CHCHD6: variants seen among roughly 807,000 people sequenced by gnomAD.
The protein encoded by CHCHD6 is coiled-coil-helix-coiled-coil-helix domain containing 6, also known as MICOS complex subunit MIC25.
A neutral mutation model predicts 32.3 loss-of-function variants in CHCHD6; 28 were observed. The ratio of observed to expected loss-of-function variants is 0.87; its 90% CI spans 0.64 to 1.19. The LOEUF is 1.19. Ranked by LOEUF, CHCHD6 falls within the 50% of genes most tolerant of loss-of-function variation. The pLI is 0.00. For synonymous variants in CHCHD6, 122 were observed against 117.5 expected (o/e 1.04, Z -0.25); for missense variants, 333 against 307.0 (o/e 1.08, Z -0.63).
At chr3:126,936,696 C>T (rs1027887394) in intron 6 of CHCHD6, among the ~76,000 whole-genome samples, 6 of 152,270 alleles carry the variant, frequency 3.9e-5, no homozygotes, top group African/African-American at 1.4e-4. Flanking sequence ...GCTGGGTTTA[C>T]AGGCATGCAC....
intron 4 of CHCHD6, among the ~76,000 whole-genome samples, chr3:126,760,764 T>C (rs891656611): frequency 1.3e-5 from 2 of 152,246 alleles, no homozygotes; most frequent in Non-Finnish European, 2.9e-5. Context: ...TTTCTACCTT[T>C]TGGCTATTGT....
At chr3:126,784,561 A>G (rs1177482238) in intron 4 of CHCHD6, among the ~76,000 whole-genome samples, 1 of 152,182 alleles carries the variant, frequency 6.6e-6, no homozygotes, top group African/African-American at 2.4e-5. Context: ...CTCCACACAG[A>G]GCTGCCCAGC....
chr3:126,752,717 C>A (rs925297536), intron 4 of CHCHD6, among the ~76,000 whole-genome samples: 1 of 152,212 alleles, frequency 6.6e-6, no homozygotes, highest in African/African-American at 2.4e-5. Context: ...GCATCCCGTT[C>A]GTTCTCCCTG....
intron 5 of CHCHD6, among the ~76,000 whole-genome samples, chr3:126,879,780 C>T (rs759559483): frequency 1.3e-5 from 2 of 152,160 alleles, no homozygotes; most frequent in African/African-American, 4.8e-5. Context: ...AAAATAGGAA[C>T]GTGTCAGAAT....
intron 4 of CHCHD6, among the ~76,000 whole-genome samples, chr3:126,786,621 G>A (rs576228677): frequency 6.6e-6 from 1 of 152,288 alleles, no homozygotes; most frequent in South Asian, 2.1e-4. Context: ...CTGCATAAAT[G>A]TCTTCTTTTG....
At chr3:126,837,839 A>G (rs1940923249) in intron 4 of CHCHD6, among the ~76,000 whole-genome samples, 1 of 152,180 alleles carries the variant, frequency 6.6e-6, no homozygotes, top group African/African-American at 2.4e-5. Flanking sequence ...TCAGACATAC[A>G]CAGAGTTAAC....
At chr3:126,863,101 A>C (rs1480687753) in intron 5 of CHCHD6, among the ~76,000 whole-genome samples, 1 of 15,000 alleles carries the variant, frequency 6.7e-5, no homozygotes, top group Non-Finnish European at 1.2e-4. Context: ...CACCATCACC[A>C]CCTCCTCCTC....
At chr3:126,755,927 A>G (rs1310321961) in intron 4 of CHCHD6, among the ~76,000 whole-genome samples, 2 of 151,426 alleles carry the variant, frequency 1.3e-5, no homozygotes, top group East Asian at 3.9e-4. Context: ...AGGTTTTCTC[A>G]TTTGATTCTC....
At chr3:126,915,493 A>G (rs977705326) in intron 6 of CHCHD6, among the ~76,000 whole-genome samples, 11 of 152,174 alleles carry the variant, frequency 7.2e-5, no homozygotes, top group African/African-American at 2.4e-4. Flanking sequence ...GTTGGTCTCT[A>G]TGGACCTGAG....
At chr3:126,953,519 C>T (rs559165125) in intron 6 of CHCHD6, among the ~76,000 whole-genome samples, 1 of 152,318 alleles carries the variant, frequency 6.6e-6, no homozygotes, top group East Asian at 1.9e-4. Flanking sequence ...CACTCCAGAC[C>T]CTGGCCCCAC....
chr3:126,878,468 T>A (rs1166660886), intron 5 of CHCHD6, among the ~76,000 whole-genome samples: 1 of 151,608 alleles, frequency 6.6e-6, no homozygotes, highest in African/African-American at 2.4e-5. Context: ...CTGAAAGGGC[T>A]CCCACGAGCC....
chr3:126,835,818 ACAGC>A (rs1392459646), intron 4 of CHCHD6, among the ~76,000 whole-genome samples: 1 of 152,192 alleles, frequency 6.6e-6, no homozygotes, highest in Non-Finnish European at 1.5e-5. Flanking sequence ...GTACCTAAAG[ACAGC>A]CCTTGCCTCC....
chr3:126,813,053 T>C (rs1235621658), intron 4 of CHCHD6, among the ~76,000 whole-genome samples: 4 of 152,224 alleles, frequency 2.6e-5, no homozygotes, highest in Non-Finnish European at 5.9e-5. Flanking sequence ...TGCGGAAGGA[T>C]ATGGAATATA....
intron 6 of CHCHD6, among the ~76,000 whole-genome samples, chr3:126,946,360 AGGAAT>A (rs1240185826): frequency 1.3e-5 from 2 of 152,214 alleles, no homozygotes; most frequent in African/African-American, 4.8e-5. Context: ...AGAAACAAAG[AGGAAT>A]GGCCCTTTCT....
chr3:126,834,338 A>G (rs1057368023), intron 4 of CHCHD6, among the ~76,000 whole-genome samples: 3 of 152,242 alleles, frequency 2.0e-5, no homozygotes, highest in African/African-American at 7.2e-5. Flanking sequence ...ATGGGAGTAC[A>G]GATAGATGAT....
At chr3:126,753,150 G>A (rs1030244844) in intron 4 of CHCHD6, among the ~76,000 whole-genome samples, 6 of 152,082 alleles carry the variant, frequency 3.9e-5, no homozygotes, top group African/African-American at 1.2e-4. Context: ...TCTTGGGGGC[G>A]GATGGACTGT....
At chr3:126,899,571 C>T (rs2077892120) in intron 5 of CHCHD6, among the ~76,000 whole-genome samples, 1 of 152,220 alleles carries the variant, frequency 6.6e-6, no homozygotes, top group African/African-American at 2.4e-5. Context: ...CATACACCAT[C>T]CTCCTCTCTA....
At chr3:126,783,921 A>C (rs140599636) in intron 4 of CHCHD6, among the ~76,000 whole-genome samples, 35 of 152,262 alleles carry the variant, frequency 2.3e-4, no homozygotes, top group African/African-American at 7.5e-4. Flanking sequence ...GATCAGAAAG[A>C]GATAAGTAAT....
chr3:126,706,148 A>G (rs1192311954), intron 1 of CHCHD6, among the ~76,000 whole-genome samples: 1 of 152,192 alleles, frequency 6.6e-6, no homozygotes, highest in East Asian at 1.9e-4. Flanking sequence ...GGAATGTTGG[A>G]AAGTTAAGTT....
Sources: allele counts gnomAD v4.1 joint callset (sites outside exome capture counted in the v4.1 genomes callset), GRCh38; gene constraint gnomAD v4.1.1; transcripts MANE v1.5; gene names NCBI Gene and HGNC (gene_info 2026-07-23, HGNC 2026-07-21).